The following GRM6 variants were observed in gnomAD, a reference collection of about 807,000 sequenced individuals.
GRM6 encodes glutamate metabotropic receptor 6.
GRM6 carries 73 observed loss-of-function variants against 78.4 expected under a neutral mutation model. The ratio of observed to expected loss-of-function variants is 0.93; its 90% CI spans 0.77 to 1.13. The LOEUF is 1.13. Ranked by LOEUF, GRM6 falls within the 50% of genes most tolerant of loss-of-function variation. The pLI, the probability that GRM6 is intolerant of heterozygous loss-of-function variation, is 0.00. For synonymous variants in GRM6, 580 were observed against 555.0 expected (o/e 1.05, Z -0.63); for missense variants, 1,251 against 1,256.4 (o/e 1.00, Z 0.07).
intron 9 of GRM6, chr5:178,985,563 C>G: frequency 3.0e-6 from 1 of 337,574 alleles, no homozygotes; most frequent in Non-Finnish European, 5.8e-6. Context: ...ATTAGCCGGG[C>G]GTGGTGGCGG....
At chr5:178,990,546 GC>G in intron 5 of GRM6, 45 bp downstream of exon 5, 1 of 1,496,424 alleles carries the variant, frequency 6.7e-7, no homozygotes, top group Non-Finnish European at 9.3e-7. Context: ...AAGAGGGGGT[GC>G]TGGGGAGACG....
intron 9 of GRM6, chr5:178,985,684 C>A (rs1415107942): frequency 1.0e-5 from 4 of 392,232 alleles, no homozygotes; most frequent in South Asian, 1.8e-5. Context: ...GCCTGGGCGA[C>A]ACAGCGAGAC....
chr5:178,986,057 T>A, intron 9 of GRM6, 73 bp downstream of exon 9: 2 of 1,401,060 alleles, frequency 1.4e-6, no homozygotes, highest in Non-Finnish European at 2.0e-6. Flanking sequence ...CCACTGTGCC[T>A]GGCCCTTTTG....
At position 178,991,447 on chromosome 5, in the gene GRM6, G is replaced by C. The variant is rs751329862; in HGVS notation, c.834C>G (p.Ile278Met). ...ACCTGATGTCATCCTCATTGGCAAA[G>C]ATGATGATGCCCCGGGCGTTGGGCG... is the stretch of plus-strand genomic sequence containing the variant. ...METPNARGII[I>M]FANEDDIRRV... The change falls in exon 4 of 11, where the codon ATC becomes ATG. Residue 278 changes from isoleucine (I) to methionine (M), a missense_variant. Physicochemically the swap from Ile to Met is conservative, Grantham distance 10 (BLOSUM62 1). Transcript: ENST00000517717. This position sits in a 1 kb window ranked among gnomAD's most constrained non-coding sequence, Gnocchi z 5.0. The C allele has an allele frequency of 6.8e-6, 11 of 1,613,908 alleles. No homozygotes were observed.
chr5:178,991,779 G>A lies in GRM6; in HGVS notation c.721+88C>T. On this transcript the variant is annotated intron_variant, in intron 3 of 10. Transcript: ENST00000517717. The surrounding 1 kb of genome is among the most constrained non-coding windows in gnomAD (Gnocchi z 5.0). ...GCAACCTCGGCCCAGCATGGACCTG[G>A]GCCCCCCATCTTTCTGCTTCTGCCC... 1 of 1,249,044 alleles carries A rather than the reference G, an allele frequency of 8.0e-7. No homozygotes were observed. The highest frequency in any genetic ancestry group is 1.2e-6 in the Non-Finnish European group (1 of 862,326). The allele number at this position is 1,249,044 out of a possible 1,614,324, so 77.4% of individuals were successfully genotyped here. A position where few individuals can be genotyped will look rare whatever the true frequency, so the allele number is the denominator to read the frequency against.
At chr5:178,993,041 A>G (rs1349659031) in intron 2 of GRM6, among the ~76,000 whole-genome samples, 1 of 152,164 alleles carries the variant, frequency 6.6e-6, no homozygotes, top group Non-Finnish European at 1.5e-5. Flanking sequence ...CAACCCTCCC[A>G]TGCCCCCTGG....
chr5:178,981,187 A>G lies in GRM6; in HGVS notation c.*470T>C. On this transcript the variant is annotated 3_prime_UTR_variant, in exon 11 of 11. Transcript: ENST00000517717. This position sits in a 1 kb window ranked among gnomAD's most constrained non-coding sequence, Gnocchi z 5.1. ...CCTGAGTGCCTCCATCCAGATGCAC[A>G]GCCCCAGGTCTCCTCTTGCTGAGAC... The G allele has an allele frequency of 5.6e-6, 1 of 180,086 alleles. No individual in the cohort carries two copies. The highest frequency in any genetic ancestry group is 5.5e-5 in the Admixed American group (1 of 18,332). The allele number at this position is 180,086 out of a possible 1,614,324, so 11.2% of individuals were successfully genotyped here.
At chr5:178,985,681 C>T (rs112528415) in intron 9 of GRM6, 3,994 of 389,676 alleles carry the variant, frequency 0.01, 48 homozygotes, top group African/African-American at 0.035. Flanking sequence ...CCAGCCTGGG[C>T]GACACAGCGA....
Position 178,994,313 on chromosome 5 carries a change from C to T in GRM6, c.504+128G>A, listed in dbSNP as rs1760733404. 3.2e-5 allele frequency: 25 copies of T among 791,080 alleles called. No homozygotes were observed. The East Asian group carries it at 8.4e-4, about 27-fold the overall frequency. 49.0% of individuals were successfully genotyped at this position (791,080 alleles called of 1,614,324 possible). ...GGCTCAACTGACAGGGCTTCTTTGACGCTGTGTGAATTCGAGTGATTAAAA... is the reference window on the plus strand; with the variant it reads ...GGCTCAACTGACAGGGCTTCTTTGATGCTGTGTGAATTCGAGTGATTAAAA... On this transcript the variant is annotated intron_variant, in intron 2 of 10. Transcript: ENST00000517717.
intron 8 of GRM6, 42 bp downstream of exon 8, chr5:178,986,796 T>C: frequency 6.2e-7 from 1 of 1,612,326 alleles, no homozygotes; most frequent in Non-Finnish European, 8.5e-7. Flanking sequence ...GCCTCCGGGA[T>C]CCTGGGCCCA....
intron 9 of GRM6, among the ~76,000 whole-genome samples, chr5:178,984,386 G>A (rs985169737): frequency 1.3e-5 from 2 of 152,224 alleles, no homozygotes; most frequent in Non-Finnish European, 2.9e-5. Flanking sequence ...CATGGCCGGC[G>A]CACTGGTGCT....
intron 2 of GRM6, among the ~76,000 whole-genome samples, 171 bp downstream of exon 2, chr5:178,994,270 C>A (rs1188596224): frequency 6.6e-6 from 1 of 152,198 alleles, no homozygotes; most frequent in East Asian, 1.9e-4. Flanking sequence ...TGGGTGGAGC[C>A]GATTCAGGCC....
In GRM6 at chr5:178,994,655, T is replaced by A. The variant is rs1476766435; in HGVS notation, c.290A>T (p.Asp97Val). The A allele has an allele frequency of 6.8e-7, 1 of 1,466,020 alleles. No homozygotes were observed. The highest frequency in any genetic ancestry group is 2.3e-5 in the Admixed American group (1 of 44,112). 90.8% of individuals were successfully genotyped at this position (1,466,020 alleles called of 1,614,324 possible). The change falls in exon 2 of 11, where the codon GAC (aspartate) becomes GTC (valine). Residue 97 changes from aspartate to valine, a missense_variant. Transcript: ENST00000517717. The stretch of plus-strand genomic sequence containing the variant: ...CGCGTAGGTGTCCCGCGAGCAGGTG[T>A]CCAGCAGCCGCGCGCCCAGGCGCAC... ...PGVRLGARLL[D>V]TCSRDTYALE... is the part of the protein sequence containing the mutation.
chr5:178,986,457 G>T lies in GRM6; in HGVS notation c.1797C>A (p.Ala599=), dbSNP rs773291837. The stretch of plus-strand genomic sequence containing the variant: ...CGAAGGTGGCCACCACCGTGGTAGT[G>T]GCCACGATGCCCAGCACGGCCAGGA... ...PLLLAVLGIV[A]TTTVVATFVR... is the part of the protein sequence containing the mutation. The change falls in exon 9 of 11, where the codon GCC becomes GCA. Residue 599 remains alanine (A), a synonymous_variant. Transcript: ENST00000517717. The T allele has an allele frequency of 1.9e-6, 3 of 1,612,892 alleles. No individual in the cohort carries two copies. The South Asian group carries it at 3.3e-5, about 18-fold the overall frequency.
intron 9 of GRM6, chr5:178,985,715 C>CAAA (rs749444004): frequency 1.3e-5 from 5 of 383,942 alleles, no homozygotes; most frequent in East Asian, 1.5e-4. Flanking sequence ...AAAAAAAAAA[C>CAAA]AAAACAACAC....
In GRM6 at chr5:178,991,758, C is replaced by A; in HGVS notation, c.721+109G>T. ...CCCACATGGAGCACCAGCCAGGCAA[C>A]CTCGGCCCAGCATGGACCTGGGCCC... On this transcript the variant is annotated intron_variant, in intron 3 of 10. Coordinates refer to ENST00000517717, the MANE Select transcript of GRM6 (RefSeq NM_000843.4). The surrounding 1 kb of genome is among the most constrained non-coding windows in gnomAD (Gnocchi z 5.0). 1 of 1,168,852 alleles carries A rather than the reference C, an allele frequency of 8.6e-7. No homozygotes were observed. The highest frequency in any genetic ancestry group is 1.3e-6 in the Non-Finnish European group (1 of 792,320). 72.4% of individuals were successfully genotyped at this position (1,168,852 alleles called of 1,614,324 possible).
intron 9 of GRM6, 76 bp downstream of exon 9, chr5:178,986,054 G>A (rs898922306): frequency 4.4e-6 from 6 of 1,373,944 alleles, no homozygotes; most frequent in Non-Finnish European, 5.0e-6. Flanking sequence ...GTGCCACTGT[G>A]CCTGGCCCTT....
chr5:178,992,199 GAC>G lies in GRM6; in HGVS notation c.505-118_505-117del. The G allele has an allele frequency of 2.7e-6, 2 of 746,124 alleles. No individual in the cohort carries two copies. Among genetic ancestry groups the G allele is most frequent in the Non-Finnish European group, 4.7e-6 (2 of 426,522 alleles). The allele number at this position is 746,124 out of a possible 1,614,324, so 46.2% of individuals were successfully genotyped here. ...CAGAAGGTGTGTGGCATGGACCTGG[GAC>G]ACAGATGGGAGATGGAAGGGTTGGG... On this transcript the variant is annotated intron_variant, in intron 2 of 10. Coordinates refer to ENST00000517717, the MANE Select transcript of GRM6 (RefSeq NM_000843.4). The surrounding 1 kb of genome is among the most constrained non-coding windows in gnomAD (Gnocchi z 4.9).
chr5:178,986,924 T>C lies in GRM6; in HGVS notation c.1414A>G (p.Ile472Val), dbSNP rs1316587408. 1.2e-6 allele frequency: 2 copies of C among 1,614,154 alleles called. No individual in the cohort carries two copies. The highest frequency in any genetic ancestry group is 2.2e-5 in the East Asian group (1 of 44,858). The change falls in exon 8 of 11, where the codon ATC becomes GTC. Residue 472 changes from isoleucine to valine, a missense_variant. Coordinates refer to ENST00000517717, the MANE Select transcript of GRM6 (RefSeq NM_000843.4). ...ENGDAPGRYDIFQYQATNGSA... is the reference protein window; with the variant it reads ...ENGDAPGRYDVFQYQATNGSA... ...CCATTGGTCGCCTGGTACTGGAAGATGTCGTACCGCCCGGGCGCATCTCCG... is the reference window on the plus strand; with the variant it reads ...CCATTGGTCGCCTGGTACTGGAAGACGTCGTACCGCCCGGGCGCATCTCCG...
Sources: allele counts gnomAD v4.1 joint callset (sites outside exome capture counted in the v4.1 genomes callset), GRCh38; gene constraint gnomAD v4.1.1; non-coding constraint Gnocchi (gnomAD v3.1); transcripts MANE v1.5; gene names NCBI Gene and HGNC (gene_info 2026-07-23, HGNC 2026-07-21).